Variants in VAC14 observed in about 807,000 individuals in gnomAD.
The protein encoded by VAC14 is protein VAC14 homolog.
VAC14 carries 47 observed loss-of-function variants against 85.3 expected under a neutral mutation model. The observed-to-expected ratio is 0.55, with a 90% CI of 0.44 to 0.70. VAC14 has a LOEUF of 0.70. Ranked by LOEUF, VAC14 falls within the 30% of genes least tolerant of loss-of-function variation. The probability of loss-of-function intolerance (pLI) is 0.00; values close to 1 mark genes in which losing one functional copy is unlikely to be tolerated. For missense variants in VAC14, 861 were observed against 1,004.3 expected, an observed-to-expected ratio of 0.86 and a Z score of 1.93; for synonymous variants, 447 against 430.5, an observed-to-expected ratio of 1.04 and a Z score of -0.47.
At chr16:70,711,050 C>T (rs2054022769) in intron 14 of VAC14, among the ~76,000 whole-genome samples, 1 of 152,240 alleles carries the variant, frequency 6.6e-6, no homozygotes, top group Admixed American at 6.5e-5. Context: ...GGGGAGCCGC[C>T]AGCCCCTGTC....
chr16:70,741,839 C>T (rs1053466027), intron 13 of VAC14, among the ~76,000 whole-genome samples: 4 of 152,318 alleles, frequency 2.6e-5, no homozygotes, highest in African/African-American at 4.8e-5. Flanking sequence ...TATCTTGGCA[C>T]GGCCAGGAGC....
At chr16:70,782,392 TCTA>T (rs755780967) in intron 7 of VAC14, among the ~76,000 whole-genome samples, 1 of 152,250 alleles carries the variant, frequency 6.6e-6, no homozygotes, top group African/African-American at 2.4e-5. Flanking sequence ...CTTGCTCACT[TCTA>T]CTGTCTGTCT....
intron 12 of VAC14, chr16:70,755,919 C>T (rs1232656505): frequency 2.3e-6 from 1 of 431,566 alleles, no homozygotes; most frequent in Non-Finnish European, 4.7e-6. Context: ...CTTCCTCCCA[C>T]CATTCCTCAC....
intron 12 of VAC14, among the ~76,000 whole-genome samples, chr16:70,755,734 C>T (rs1305870492): frequency 2.0e-5 from 3 of 152,304 alleles, no homozygotes; most frequent in East Asian, 3.9e-4. Flanking sequence ...AAAGCTGCAG[C>T]GGGGGTGGTG....
chr16:70,689,508 G>A (rs2142980368), intron 18 of VAC14: 1 of 985,436 alleles, frequency 1.0e-6, no homozygotes, highest in East Asian at 1.1e-4. Context: ...ACCAGGGCAG[G>A]GGGACTCTTC....
intron 13 of VAC14, among the ~76,000 whole-genome samples, chr16:70,733,964 A>C (rs1243087786): frequency 6.6e-6 from 1 of 152,172 alleles, no homozygotes; most frequent in East Asian, 1.9e-4. Flanking sequence ...CTGGGACTAC[A>C]GGCGTGTGCC....
At chr16:70,795,324 A>G (rs2034499088) in intron 1 of VAC14, among the ~76,000 whole-genome samples, 1 of 151,616 alleles carries the variant, frequency 6.6e-6, no homozygotes, top group South Asian at 2.1e-4. Context: ...CAACAACAAC[A>G]ACAAAAAACA....
At chr16:70,706,543 G>T (rs2053923579) in intron 14 of VAC14, among the ~76,000 whole-genome samples, 1 of 152,186 alleles carries the variant, frequency 6.6e-6, no homozygotes, top group Non-Finnish European at 1.5e-5. Context: ...ACGGAATCTT[G>T]CTCTGTCACC....
In VAC14 at chr16:70,786,380, G is replaced by C; in HGVS notation, c.105-15C>G. 6.2e-7 allele frequency: 1 copy of C among 1,611,316 alleles called. No individual in the cohort carries two copies. The highest frequency in any genetic ancestry group is 8.5e-7 in the Non-Finnish European group (1 of 1,177,700). On this transcript the variant is annotated splice_polypyrimidine_tract_variant and intron_variant, in intron 1 of 18. Coordinates refer to ENST00000261776, the MANE Select transcript of VAC14 (RefSeq NM_018052.5). ...CCCGGACCAGCCTGGAGAGAGAGGA[G>C]AGAGGGGCTGTGGGAATCAGGCTAC...
At chr16:70,770,218 T>G (rs1242887853) in intron 10 of VAC14, 1 of 152,098 alleles carries the variant, frequency 6.6e-6, no homozygotes, top group Non-Finnish European at 1.5e-5. Context: ...CCCTCACCTC[T>G]CTCCTGCCTA....
chr16:70,700,354 C>T (rs1018914517), intron 14 of VAC14: 1 of 152,270 alleles, frequency 6.6e-6, no homozygotes, highest in Non-Finnish European at 1.5e-5. Context: ...CGCTTCATCT[C>T]CCCGCGCATG....
chr16:70,739,579 G>A (rs1009198300), intron 13 of VAC14, among the ~76,000 whole-genome samples: 2 of 152,150 alleles, frequency 1.3e-5, no homozygotes, highest in Non-Finnish European at 1.5e-5. Context: ...GGGCTCTCGG[G>A]CCAGGCTCCT....
At chr16:70,691,196 G>T in intron 18 of VAC14, 2 of 985,526 alleles carry the variant, frequency 2.0e-6, no homozygotes, top group Non-Finnish European at 2.4e-6. Context: ...ACTGCTCTGA[G>T]CCTCTGCTCC....
chr16:70,706,835 A>G lies in VAC14; in HGVS notation c.1662-8024T>C, dbSNP rs187366120. Among the ~76,000 whole-genome samples the G allele has an allele frequency of 3.4e-4, 51 of 152,198 alleles. 1 individual carries two copies. The highest frequency in any genetic ancestry group is 1.1e-3 in the African/African-American group (46 of 41,528). On this transcript the variant is annotated intron_variant, in intron 14 of 18. Transcript: ENST00000261776. ...ACATTGGATGCTGGATGGTGCCCAC[A>G]TCCATCCCCTTCAGTGGTCCAAGGC...
At chr16:70,725,794 C>T (rs572815053) in intron 14 of VAC14, among the ~76,000 whole-genome samples, 105 of 152,166 alleles carry the variant, frequency 6.9e-4, no homozygotes, top group Non-Finnish European at 1.3e-3. Flanking sequence ...TCCAAATGCC[C>T]GCCTCATCTT....
intron 14 of VAC14, 89 bp from the exon 15 acceptor site, chr16:70,698,900 C>T (rs763275545): frequency 1.8e-5 from 22 of 1,219,260 alleles, no homozygotes; most frequent in East Asian, 4.2e-5. Flanking sequence ...GGTTTTGCAG[C>T]GTCCTGGGGA....
intron 14 of VAC14, among the ~76,000 whole-genome samples, chr16:70,726,784 G>A (rs1360846319): frequency 1.3e-5 from 2 of 152,238 alleles, no homozygotes; most frequent in Admixed American, 6.5e-5. Flanking sequence ...CCTGGAGCCA[G>A]AGTAGCTGGC....
In VAC14 at chr16:70,744,414, A is replaced by G. The variant is rs779087453; in HGVS notation, c.1528+9T>C. ...CCCCTGAGGCTAGAACCTTCAGGAG[A>G]AGACTTACCAGAGGTGTTCAGTAGG... is the stretch of plus-strand genomic sequence containing the variant. On this transcript the variant is annotated intron_variant, in intron 13 of 18. Coordinates refer to ENST00000261776, the MANE Select transcript of VAC14 (RefSeq NM_018052.5). 4 of 1,613,880 alleles carry G rather than the reference A, an allele frequency of 2.5e-6. No individual in the cohort carries two copies. Among genetic ancestry groups the G allele is most frequent in the South Asian group, 2.2e-5 (2 of 91,074 alleles).
intron 14 of VAC14, among the ~76,000 whole-genome samples, chr16:70,723,780 T>C (rs1455879358): frequency 6.6e-6 from 1 of 152,090 alleles, no homozygotes; most frequent in African/African-American, 2.4e-5. Flanking sequence ...GAACGTGCTT[T>C]TAGTGAAAGA....
Sources: allele counts gnomAD v4.1 joint callset (sites outside exome capture counted in the v4.1 genomes callset), GRCh38; gene constraint gnomAD v4.1.1; transcripts MANE v1.5; gene names NCBI Gene and HGNC (gene_info 2026-07-23, HGNC 2026-07-21).